SLCO5A1: variants seen among roughly 807,000 people sequenced by gnomAD.
SLCO5A1 encodes the protein organic anion transporter polypeptide-related protein 4.
In SLCO5A1, 39 loss-of-function variants were observed where a neutral mutation model predicts 65.1. That is an observed-to-expected ratio of 0.60 (90% CI 0.46 to 0.78). SLCO5A1 has a LOEUF of 0.78. SLCO5A1 is among the 30% of genes least tolerant of loss of function. The pLI, the probability that SLCO5A1 is intolerant of heterozygous loss-of-function variation, is 0.00. For missense variants in SLCO5A1, 1,029 were observed against 1,069.4 expected, an observed-to-expected ratio of 0.96 and a Z score of 0.53; for synonymous variants, 438 against 415.7, an observed-to-expected ratio of 1.05 and a Z score of -0.65.
intron 2 of SLCO5A1, among the ~76,000 whole-genome samples, chr8:69,767,438 A>G (rs1444193151): frequency 6.6e-6 from 1 of 152,204 alleles, no homozygotes; most frequent in Non-Finnish European, 1.5e-5. Flanking sequence ...AATTCTCAAC[A>G]ATCTTAGGAC....
rs1813240888 is a variant in SLCO5A1 at position 69,668,394 on chromosome 8, T to C, written c.*4475A>G. 6.6e-6 allele frequency: 1 copy of C among 152,188 alleles called. No individual in the cohort carries two copies. Among genetic ancestry groups the C allele is most frequent in the African/African-American group, 2.4e-5 (1 of 41,450 alleles). The allele number at this position is 152,188 out of a possible 1,614,324, so 9.4% of individuals were successfully genotyped here. ...TAACAGAGAACTAGCAAACCTGCAGTTTAGGCAATTCTGGGATTATACAGT... is the reference window on the plus strand; with the variant it reads ...TAACAGAGAACTAGCAAACCTGCAGCTTAGGCAATTCTGGGATTATACAGT... On this transcript the variant is annotated 3_prime_UTR_variant, in exon 10 of 10. Coordinates refer to ENST00000260126, the MANE Select transcript of SLCO5A1 (RefSeq NM_030958.3).
At chr8:69,749,959 A>G (rs1175458850) in intron 4 of SLCO5A1, among the ~76,000 whole-genome samples, 2 of 152,188 alleles carry the variant, frequency 1.3e-5, no homozygotes, top group African/African-American at 4.8e-5. Context: ...AAGTGCACTG[A>G]GGGAAGTGAG....
chr8:69,794,417 A>T, intron 2 of SLCO5A1: 1 of 449,534 alleles, frequency 2.2e-6, no homozygotes, highest in Non-Finnish European at 4.4e-6. Context: ...GGGTCCAAGG[A>T]CTAAGAAGGA....
At chr8:69,733,954 A>G (rs1366572585) in intron 5 of SLCO5A1, among the ~76,000 whole-genome samples, 1 of 152,188 alleles carries the variant, frequency 6.6e-6, no homozygotes, top group Admixed American at 6.5e-5. Context: ...ACTACTTTCA[A>G]GAGATAGATG....
intron 2 of SLCO5A1, among the ~76,000 whole-genome samples, chr8:69,828,397 T>C (rs1485508662): frequency 1.3e-5 from 2 of 152,104 alleles, no homozygotes; most frequent in Admixed American, 1.3e-4. Flanking sequence ...GGTCAGGAGA[T>C]TGAGACCATC....
At chr8:69,778,196 G>A (rs1818642208) in intron 2 of SLCO5A1, among the ~76,000 whole-genome samples, 2 of 151,618 alleles carry the variant, frequency 1.3e-5, no homozygotes, top group African/African-American at 4.9e-5. Flanking sequence ...GCAGACAATG[G>A]GGGACTATTG....
intron 2 of SLCO5A1, among the ~76,000 whole-genome samples, chr8:69,815,333 A>G (rs1186032594): frequency 6.6e-6 from 1 of 152,208 alleles, no homozygotes; most frequent in African/African-American, 2.4e-5. Flanking sequence ...AATGCCTGGC[A>G]TATTTTAAAC....
chr8:69,675,681 G>A (rs1361022963), intron 9 of SLCO5A1, among the ~76,000 whole-genome samples: 2 of 152,170 alleles, frequency 1.3e-5, no homozygotes, highest in Admixed American at 1.3e-4. Context: ...GACAAATGGA[G>A]AATGCCAGGG....
chr8:69,724,706 G>T (rs1776666915), intron 5 of SLCO5A1, among the ~76,000 whole-genome samples: 1 of 152,120 alleles, frequency 6.6e-6, no homozygotes, highest in South Asian at 2.1e-4. Flanking sequence ...CCTGCCTTGT[G>T]TTAATAACTC....
intron 6 of SLCO5A1, among the ~76,000 whole-genome samples, chr8:69,696,250 G>T (rs1252569723): frequency 6.6e-6 from 1 of 152,162 alleles, no homozygotes; most frequent in Non-Finnish European, 1.5e-5. Context: ...TGAAATAAAA[G>T]CAGAGTAGGG....
chr8:69,788,373 T>C (rs1819127817), intron 2 of SLCO5A1, among the ~76,000 whole-genome samples: 1 of 152,252 alleles, frequency 6.6e-6, no homozygotes, highest in Admixed American at 6.5e-5. Context: ...ACTTGTATAC[T>C]GAGACCTGTG....
intron 2 of SLCO5A1, among the ~76,000 whole-genome samples, chr8:69,815,233 A>T (rs1309153993): frequency 2.0e-5 from 3 of 152,236 alleles, no homozygotes; most frequent in African/African-American, 7.2e-5. Flanking sequence ...CATTGTATTC[A>T]TAAATCATAA....
At chr8:69,811,743 C>A (rs2130911909) in intron 2 of SLCO5A1, among the ~76,000 whole-genome samples, 1 of 152,346 alleles carries the variant, frequency 6.6e-6, no homozygotes, top group South Asian at 2.1e-4. Context: ...TGACAGCCCA[C>A]ATTTTTTAGT....
intron 2 of SLCO5A1, among the ~76,000 whole-genome samples, chr8:69,792,453 C>T (rs1341136560): frequency 1.3e-5 from 2 of 152,066 alleles, no homozygotes; most frequent in African/African-American, 2.4e-5. Flanking sequence ...AATGTCGAGC[C>T]AGGAAATTGG....
At chr8:69,723,351 A>G (rs1815916589) in intron 5 of SLCO5A1, among the ~76,000 whole-genome samples, 1 of 152,114 alleles carries the variant, frequency 6.6e-6, no homozygotes, top group Admixed American at 6.5e-5. Context: ...TTTTGGGTTC[A>G]AGCAATCCTC....
intron 2 of SLCO5A1, among the ~76,000 whole-genome samples, chr8:69,782,398 A>G (rs1338943985): frequency 2.6e-5 from 4 of 152,002 alleles, no homozygotes; most frequent in Admixed American, 2.6e-4. Context: ...CCTGGGCAAT[A>G]TGGCAAGACC....
intron 3 of SLCO5A1, among the ~76,000 whole-genome samples, chr8:69,758,499 C>T (rs1563705591): frequency 6.6e-6 from 1 of 152,088 alleles, no homozygotes; most frequent in Non-Finnish European, 1.5e-5. Flanking sequence ...CATAGCATTG[C>T]ACTCAACCTC....
In SLCO5A1 at chr8:69,681,315, C is replaced by T. The variant is rs866870415; in HGVS notation, c.1782+869G>A. Among the ~76,000 whole-genome samples, 6 of 152,266 alleles carry T rather than the reference C, an allele frequency of 3.9e-5. No homozygotes were observed. The Middle Eastern group carries it at 0.01, about 259-fold the overall frequency. ...GCTCAATAAGTAACTGTGTAGAGGC[C>T]GGGCACAGTGGCTCACACCTGTAAT... On this transcript the variant is annotated intron_variant, in intron 7 of 9. Coordinates refer to ENST00000260126, the MANE Select transcript of SLCO5A1 (RefSeq NM_030958.3).
At chr8:69,792,639 G>A (rs534569059) in intron 2 of SLCO5A1, among the ~76,000 whole-genome samples, 1 of 152,304 alleles carries the variant, frequency 6.6e-6, no homozygotes, top group South Asian at 2.1e-4. Flanking sequence ...ATCAGAAGTA[G>A]GCTGGGACAG....
Sources: gnomAD v4.1 joint callset for allele counts (sites outside exome capture counted in the v4.1 genomes callset) on GRCh38, gnomAD v4.1.1 for gene constraint, MANE v1.5 for transcripts, NCBI Gene and HGNC (gene_info 2026-07-23, HGNC 2026-07-21) for gene names.